Variants in UBE3D observed in about 807,000 individuals in gnomAD.
UBE3D encodes E3 ubiquitin-protein ligase E3D.
A neutral mutation model predicts 49.6 loss-of-function variants in UBE3D; 48 were observed. The observed-to-expected ratio is 0.97, with a 90% CI of 0.77 to 1.23. The LOEUF (loss-of-function observed/expected upper bound fraction) is 1.23. Among genes scored for constraint, UBE3D ranks in the 50% most tolerant of loss-of-function variants. The pLI is 0.00. For missense variants in UBE3D, 452 were observed against 468.4 expected (o/e 0.96, Z 0.32); for synonymous variants, 189 against 174.2 (o/e 1.08, Z -0.67).
intron 4 of UBE3D, among the ~76,000 whole-genome samples, chr6:83,043,896 C>A (rs1487735920): frequency 6.6e-6 from 1 of 152,130 alleles, no homozygotes; most frequent in Non-Finnish European, 1.5e-5. Flanking sequence ...AGCCACCTGA[C>A]CTCACACTGT....
At chr6:82,972,772 C>T (rs1331550293) in intron 8 of UBE3D, among the ~76,000 whole-genome samples, 1 of 152,074 alleles carries the variant, frequency 6.6e-6, no homozygotes, top group Middle Eastern at 3.2e-3. Context: ...CACTTTAGGA[C>T]ATTTTCTATT....
chr6:82,899,622 G>A (rs1771583468), intron 9 of UBE3D, among the ~76,000 whole-genome samples: 1 of 152,184 alleles, frequency 6.6e-6, no homozygotes, highest in African/African-American at 2.4e-5. Flanking sequence ...AGGACTACTG[G>A]TGCCTTTTCA....
At chr6:83,060,893 C>T (rs1159510264) in intron 1 of UBE3D, among the ~76,000 whole-genome samples, 1 of 152,108 alleles carries the variant, frequency 6.6e-6, no homozygotes, top group African/African-American at 2.4e-5. Context: ...ATCATGTATC[C>T]TTACTGACAC....
intron 5 of UBE3D, chr6:83,036,105 T>C (rs1252968878): frequency 7.1e-6 from 1 of 140,628 alleles, no homozygotes; most frequent in African/African-American, 2.6e-5. Context: ...CTCACTGCCA[T>C]CTTTGCCTCC....
In UBE3D at chr6:83,044,640, G is replaced by A. The variant is rs536633396; in HGVS notation, c.385C>T (p.Pro129Ser). ...IKDRKLLRVL[P>S]LPSENWGALV... The stretch of plus-strand genomic sequence containing the variant: ...GCTCCCCAGTTCTCACTCGGCAGTG[G>A]GAGCACCCTGAGGAGCTTCCTAGTG... The change falls in exon 4 of 10, where the codon CCA becomes TCA. Residue 129 changes from proline (P) to serine (S), a missense_variant. Pro to Ser is a moderately conservative substitution (Grantham distance 74). Transcript: ENST00000369747. 2.0e-5 allele frequency: 33 copies of A among 1,613,910 alleles called. No homozygotes were observed. The South Asian group carries it at 3.2e-4, about 16-fold the overall frequency.
rs995136749 is a variant in UBE3D, at chr6:83,054,241, A to G, written c.275-3T>C. 1 of 1,611,358 alleles carries G rather than the reference A, an allele frequency of 6.2e-7. No individual in the cohort carries two copies. The highest frequency in any genetic ancestry group is 1.3e-5 in the African/African-American group (1 of 74,970). On this transcript the variant is annotated splice_region_variant and splice_polypyrimidine_tract_variant and intron_variant, in intron 2 of 9. Transcript: ENST00000369747. ...TTGATTAAACATTGAAATCAGTTCT[A>G]AAGGAAGTCAATGAAATAGCTAATC...
intron 5 of UBE3D, chr6:83,036,543 T>C (rs1197386445): frequency 2.0e-5 from 3 of 152,158 alleles, no homozygotes; most frequent in East Asian, 3.8e-4. Context: ...CTCAGTGCTT[T>C]TAATTTGCTT....
intron 8 of UBE3D, among the ~76,000 whole-genome samples, chr6:83,016,864 G>C (rs1349745112): frequency 6.6e-6 from 1 of 152,152 alleles, no homozygotes; most frequent in Non-Finnish European, 1.5e-5. Flanking sequence ...CAGCACTGGA[G>C]AAAGATGTAG....
chr6:82,967,082 G>C (rs1043894273), intron 8 of UBE3D, among the ~76,000 whole-genome samples: 2 of 151,788 alleles, frequency 1.3e-5, no homozygotes, highest in African/African-American at 4.8e-5. Context: ...GATTTACTCT[G>C]TCGAGCTGGC....
At chr6:83,016,825 G>T (rs1780731020) in intron 8 of UBE3D, among the ~76,000 whole-genome samples, 1 of 152,120 alleles carries the variant, frequency 6.6e-6, no homozygotes, top group Non-Finnish European at 1.5e-5. Context: ...GAAGAACTTG[G>T]AGTCCAATGT....
At chr6:82,973,904 C>T (rs1777529291) in intron 8 of UBE3D, among the ~76,000 whole-genome samples, 1 of 152,138 alleles carries the variant, frequency 6.6e-6, no homozygotes, top group Admixed American at 6.5e-5. Context: ...GTGAACTGTG[C>T]ATGCCAGGGA....
At chr6:82,990,710 C>T (rs1175678561) in intron 8 of UBE3D, among the ~76,000 whole-genome samples, 4 of 152,200 alleles carry the variant, frequency 2.6e-5, no homozygotes, top group Non-Finnish European at 5.9e-5. Context: ...ACATAATTAA[C>T]TATTCCTCTA....
intron 9 of UBE3D, among the ~76,000 whole-genome samples, chr6:82,943,955 C>G (rs1293208848): frequency 6.6e-6 from 1 of 152,020 alleles, no homozygotes; most frequent in Non-Finnish European, 1.5e-5. Context: ...AAGGGAATCG[C>G]CCATCCCAGT....
chr6:83,019,122 ATT>A lies in UBE3D; in HGVS notation c.859_860del (p.Asn287PhefsTer7). On this transcript the variant is annotated frameshift_variant, in exon 8 of 10. Coordinates refer to ENST00000369747, the MANE Select transcript of UBE3D (RefSeq NM_198920.3). LOFTEE classifies it high-confidence loss of function. ...AAGATTCAATCACCAAACTGTCTGAATTTAAAAGCCATAGCTAAAGATGTGAA... is the reference window on the plus strand; with the variant it reads ...AAGATTCAATCACCAAACTGTCTGAATAAAAGCCATAGCTAAAGATGTGAA... ...DKVYILLWLL[N>X]SDSLVIESLR... 1 of 1,613,288 alleles carries A rather than the reference ATT, an allele frequency of 6.2e-7. No individual in the cohort carries two copies. Among genetic ancestry groups the A allele is most frequent in the Non-Finnish European group, 8.5e-7 (1 of 1,179,706 alleles).
At chr6:83,003,561 T>C (rs1290809290) in intron 8 of UBE3D, among the ~76,000 whole-genome samples, 2 of 152,230 alleles carry the variant, frequency 1.3e-5, no homozygotes, top group Non-Finnish European at 1.5e-5. Flanking sequence ...AAATGCATTA[T>C]TAGGCAATTT....
chr6:83,041,464 A>C (rs1004719306), intron 4 of UBE3D, among the ~76,000 whole-genome samples: 1 of 152,248 alleles, frequency 6.6e-6, no homozygotes, highest in Non-Finnish European at 1.5e-5. Flanking sequence ...GTAGTATATC[A>C]TCAAGGAATA....
chr6:82,928,759 A>G lies in UBE3D; in HGVS notation c.1149+28553T>C, dbSNP rs754143176. Reference sequence around the variant, plus strand: ...TTCCATTCTGACAAAATGCTGGATAAAGATATCCATGGGAATCCAAACAGC... The same window carrying G: ...TTCCATTCTGACAAAATGCTGGATAGAGATATCCATGGGAATCCAAACAGC... On this transcript the variant is annotated intron_variant, in intron 9 of 9. Coordinates refer to ENST00000369747, the MANE Select transcript of UBE3D (RefSeq NM_198920.3). Among the ~76,000 whole-genome samples, 112 of 152,182 alleles carry G rather than the reference A, an allele frequency of 7.4e-4. 1 individual carries two copies. Among genetic ancestry groups the G allele is most frequent in the Non-Finnish European group, 1.4e-3 (97 of 67,994 alleles).
intron 3 of UBE3D, among the ~76,000 whole-genome samples, chr6:83,053,704 A>G (rs1196812362): frequency 6.6e-6 from 1 of 152,232 alleles, no homozygotes; most frequent in East Asian, 1.9e-4. Context: ...GCTCTGTTTT[A>G]ATAAGCAGGA....
chr6:82,961,441 C>A (rs1776540446), intron 8 of UBE3D, among the ~76,000 whole-genome samples: 2 of 152,272 alleles, frequency 1.3e-5, no homozygotes, highest in East Asian at 3.9e-4. Context: ...TCATTCATCC[C>A]ATTTTAAAAA....
Sources: gnomAD v4.1 joint callset for allele counts (sites outside exome capture counted in the v4.1 genomes callset) on GRCh38, gnomAD v4.1.1 for gene constraint, MANE v1.5 for transcripts, NCBI Gene and HGNC (gene_info 2026-07-23, HGNC 2026-07-21) for gene names.